LINC00237: variants seen among roughly 807,000 people sequenced by gnomAD.
LINC00237 encodes long independently transcribed non-coding RNA 237.
intron 1 of LINC00237, among the ~76,000 whole-genome samples, chr20:21,097,207 G>C (rs2030870277): frequency 6.6e-6 from 1 of 152,144 alleles, no homozygotes; most frequent in Non-Finnish European, 1.5e-5. Context: ...GGAAATGCTA[G>C]AAGGTTAAGC....
chr20:21,087,065 ACACACC>A (rs2030722058), intron 3 of LINC00237, among the ~76,000 whole-genome samples: 2 of 146,032 alleles, frequency 1.4e-5, no homozygotes, highest in South Asian at 2.2e-4. Context: ...ACATATATAT[ACACACC>A]CACACCCACA....
Position 21,103,160 on chromosome 20 carries a change from C to T in LINC00237, n.88+3111G>A, listed in dbSNP as rs375459889. On this transcript the variant is annotated intron_variant and non_coding_transcript_variant, in intron 1 of 3. Transcript: ENST00000691244. ...AAACCGGAGGCGCTGTCCAAACGCGCCAACGCTGCAAGCAATGTGGCAGGG... is the reference window on the plus strand; with the variant it reads ...AAACCGGAGGCGCTGTCCAAACGCGTCAACGCTGCAAGCAATGTGGCAGGG... Among the ~76,000 whole-genome samples the T allele has an allele frequency of 1.6e-4, 25 of 152,394 alleles. No homozygotes were observed. In the East Asian group the frequency reaches 3.9e-3, roughly 23 times the overall value.
At chr20:21,104,531 T>G (rs912970336) in intron 1 of LINC00237, among the ~76,000 whole-genome samples, 5 of 152,184 alleles carry the variant, frequency 3.3e-5, no homozygotes, top group African/African-American at 1.2e-4. Context: ...GACAGAGAGG[T>G]GCGGCCCCTG....
intron 1 of LINC00237, among the ~76,000 whole-genome samples, chr20:21,100,293 C>G (rs2030913194): frequency 6.6e-6 from 1 of 152,162 alleles, no homozygotes; most frequent in Non-Finnish European, 1.5e-5. Flanking sequence ...CACCTGCGGG[C>G]GGCGGCAAAA....
chr20:21,104,417 G>A (rs1282782312), intron 1 of LINC00237, among the ~76,000 whole-genome samples: 2 of 152,238 alleles, frequency 1.3e-5, no homozygotes, highest in African/African-American at 4.8e-5. Flanking sequence ...AAATGACTCC[G>A]GCTGCAGAGG....
At chr20:21,089,284 T>C (rs1269183219) in intron 2 of LINC00237, among the ~76,000 whole-genome samples, 1 of 151,816 alleles carries the variant, frequency 6.6e-6, no homozygotes, top group African/African-American at 2.4e-5. Flanking sequence ...GTTTGCTACC[T>C]TTAAACTGAA....
intron 1 of LINC00237, among the ~76,000 whole-genome samples, chr20:21,094,754 TA>T (rs1317120305): frequency 6.6e-6 from 1 of 151,916 alleles, no homozygotes; most frequent in African/African-American, 2.4e-5. Flanking sequence ...TCCTGTCTGT[TA>T]AAAAAATAAA....
At chr20:21,102,508 C>T (rs1386764184) in intron 1 of LINC00237, among the ~76,000 whole-genome samples, 1 of 152,166 alleles carries the variant, frequency 6.6e-6, no homozygotes, top group Admixed American at 6.5e-5. Flanking sequence ...ATGCCCGGAA[C>T]AGGGGTGCAG....
chr20:21,106,325 G>T (rs1036322410), exon 1 of LINC00237: 3 of 152,252 alleles, frequency 2.0e-5, no homozygotes, highest in Admixed American at 2.0e-4. Context: ...CTGTGCACGG[G>T]AAGAGGGGGC....
intron 1 of LINC00237, among the ~76,000 whole-genome samples, chr20:21,105,750 T>C (rs1027343284): frequency 1.2e-4 from 19 of 152,164 alleles, no homozygotes; most frequent in Non-Finnish European, 2.6e-4. Context: ...ACTCTGCGCC[T>C]AGAGTTTTGC....
intron 1 of LINC00237, among the ~76,000 whole-genome samples, chr20:21,095,051 AAAAT>A (rs2030839096): frequency 6.6e-6 from 1 of 152,208 alleles, no homozygotes; most frequent in Non-Finnish European, 1.5e-5. Flanking sequence ...CTCTGTCTCA[AAAAT>A]AAATAAATAA....
chr20:21,088,433 A>G (rs1334408836), intron 2 of LINC00237, among the ~76,000 whole-genome samples: 1 of 152,204 alleles, frequency 6.6e-6, no homozygotes, highest in Admixed American at 6.5e-5. Context: ...CACAAACGCT[A>G]TACTATTACT....
intron 3 of LINC00237, among the ~76,000 whole-genome samples, chr20:21,086,685 A>ATATGTATATTATAC (rs374333750): frequency 1.1e-5 from 1 of 94,980 alleles, no homozygotes; most frequent in Non-Finnish European, 1.9e-5. Context: ...AGTATACTAC[A>ATATGTATATTATAC]TATACATATG....
At chr20:21,105,520 G>A (rs1189922087) in intron 1 of LINC00237, among the ~76,000 whole-genome samples, 1 of 152,188 alleles carries the variant, frequency 6.6e-6, no homozygotes, top group African/African-American at 2.4e-5. Flanking sequence ...GCCGGGGCAG[G>A]ACTGTGCCGC....
intron 1 of LINC00237, among the ~76,000 whole-genome samples, chr20:21,100,408 G>A (rs2030915338): frequency 6.6e-6 from 1 of 152,246 alleles, no homozygotes; most frequent in African/African-American, 2.4e-5. Flanking sequence ...GGGTTTCACC[G>A]AAGCCGGCGA....
chr20:21,094,663 G>T (rs1360336902), intron 1 of LINC00237, among the ~76,000 whole-genome samples: 2 of 152,130 alleles, frequency 1.3e-5, no homozygotes, highest in Non-Finnish European at 2.9e-5. Context: ...GAAGAGTGGC[G>T]GCTCACACCG....
chr20:21,098,536 C>A (rs905591072), intron 1 of LINC00237, among the ~76,000 whole-genome samples: 1 of 152,140 alleles, frequency 6.6e-6, no homozygotes, highest in Non-Finnish European at 1.5e-5. Context: ...ATATTTAAAC[C>A]TGTAGTCTGA....
intron 1 of LINC00237, among the ~76,000 whole-genome samples, chr20:21,094,818 G>T (rs998848440): frequency 6.6e-6 from 1 of 152,222 alleles, no homozygotes; most frequent in Non-Finnish European, 1.5e-5. Context: ...GGGAGGCCAA[G>T]GTGGGCCGAT....
At chr20:21,094,754 T>TA (rs1317120305) in intron 1 of LINC00237, among the ~76,000 whole-genome samples, 1 of 151,916 alleles carries the variant, frequency 6.6e-6, no homozygotes, top group Non-Finnish European at 1.5e-5. Context: ...TCCTGTCTGT[T>TA]AAAAAAATAA....
Sources: allele counts gnomAD v4.1 joint callset (sites outside exome capture counted in the v4.1 genomes callset), GRCh38; gene constraint gnomAD v4.1.1; transcripts MANE v1.5; gene names NCBI Gene and HGNC (gene_info 2026-07-23, HGNC 2026-07-21).